ERLEC1: variants seen among roughly 807,000 people sequenced by gnomAD.
The protein encoded by ERLEC1 is endoplasmic reticulum lectin 1.
In ERLEC1, 47 loss-of-function variants were observed where a neutral mutation model predicts 68.0. That is an observed-to-expected ratio of 0.69 (90% CI 0.55 to 0.88). The LOEUF is 0.88. Ranked by LOEUF, ERLEC1 falls within the 40% of genes least tolerant of loss-of-function variation. ERLEC1 has a pLI of 0.00. For synonymous variants in ERLEC1, 225 were observed against 203.2 expected, an observed-to-expected ratio of 1.11 and a Z score of -0.91; for missense variants, 567 against 583.8, an observed-to-expected ratio of 0.97 and a Z score of 0.30.
chr2:53,805,107 C>T (rs1573089881), intron 8 of ERLEC1, among the ~76,000 whole-genome samples: 1 of 149,410 alleles, frequency 6.7e-6, no homozygotes, highest in Admixed American at 6.8e-5. Flanking sequence ...TGATTCTCCT[C>T]CAACTCCTGG....
At chr2:53,816,918 A>G (rs916469021) in intron 13 of ERLEC1, among the ~76,000 whole-genome samples, 3 of 152,176 alleles carry the variant, frequency 2.0e-5, no homozygotes, top group East Asian at 1.9e-4. Context: ...TGATACTCCA[A>G]TAAGACATGT....
At chr2:53,814,689 A>C in intron 12 of ERLEC1, 69 bp downstream of exon 12, 1 of 1,152,470 alleles carries the variant, frequency 8.7e-7, no homozygotes, top group Non-Finnish European at 1.3e-6. Flanking sequence ...CAAAAGTTTT[A>C]TGTAAACAGT....
At chr2:53,806,779 A>G (rs1354959805) in intron 8 of ERLEC1, among the ~76,000 whole-genome samples, 1 of 152,204 alleles carries the variant, frequency 6.6e-6, no homozygotes. Flanking sequence ...TTGGAAACCC[A>G]TATACTGTCT....
At chr2:53,810,058 C>G (rs890845203) in intron 10 of ERLEC1, among the ~76,000 whole-genome samples, 1 of 151,870 alleles carries the variant, frequency 6.6e-6, no homozygotes, top group East Asian at 1.9e-4. Flanking sequence ...CTCAAAAAAG[C>G]GAGACTCCTC....
In ERLEC1 at chr2:53,797,890, G is replaced by A; in HGVS notation, c.490+95G>A. 2.6e-6 allele frequency: 3 copies of A among 1,165,602 alleles called. No individual in the cohort carries two copies. The Admixed American group carries it at 5.7e-5, about 22-fold the overall frequency. 72.2% of individuals were successfully genotyped at this position (1,165,602 alleles called of 1,614,324 possible). A position where few individuals can be genotyped will look rare whatever the true frequency, so the allele number is the denominator to read the frequency against. On this transcript the variant is annotated intron_variant, in intron 5 of 13. Transcript: ENST00000185150. ...TTACGAGATTTTTTTTTTGGACATTGTGTGAATTTTAAAATACTGAAATAG... is the reference window on the plus strand; with the variant it reads ...TTACGAGATTTTTTTTTTGGACATTATGTGAATTTTAAAATACTGAAATAG...
intron 1 of ERLEC1, among the ~76,000 whole-genome samples, chr2:53,788,166 T>C (rs1269474400): frequency 2.6e-5 from 4 of 152,234 alleles, no homozygotes; most frequent in Admixed American, 6.5e-5. Context: ...ACTCATTTAC[T>C]TCAAATTGAA....
At chr2:53,789,599 A>G (rs554146547) in intron 1 of ERLEC1, among the ~76,000 whole-genome samples, 1 of 152,060 alleles carries the variant, frequency 6.6e-6, no homozygotes, top group Non-Finnish European at 1.5e-5. Context: ...AGAAAAATCT[A>G]GAGTGTTCTG....
intron 8 of ERLEC1, among the ~76,000 whole-genome samples, chr2:53,805,210 A>G (rs1676222388): frequency 6.8e-6 from 1 of 147,742 alleles, no homozygotes; most frequent in Non-Finnish European, 1.5e-5. Flanking sequence ...TTTAGTAGAG[A>G]TGGGGTTTCA....
intron 11 of ERLEC1, among the ~76,000 whole-genome samples, chr2:53,813,565 A>G (rs1479286236): frequency 2.6e-5 from 4 of 152,212 alleles, no homozygotes; most frequent in African/African-American, 4.8e-5. Flanking sequence ...TTTAGGATAT[A>G]TGAGTATACC....
Position 53,787,202 on chromosome 2 carries a change from C to CGGCGGAG in ERLEC1, c.-7_-1dup, listed in dbSNP as rs1372583299. ...TTGTGGCGGTGGCTGGAGAAAGCGG[C>CGGCGGAG]GGCGGAGGATGGAGGAAGGAGGCGG... On this transcript the variant is annotated 5_prime_UTR_variant, in exon 1 of 14. Transcript: ENST00000185150. 1 of 1,590,910 alleles carries CGGCGGAG rather than the reference C, an allele frequency of 6.3e-7. No individual in the cohort carries two copies. The highest frequency in any genetic ancestry group is 8.5e-7 in the Non-Finnish European group (1 of 1,171,712).
At chr2:53,816,113 G>A (rs1015204097) in intron 13 of ERLEC1, among the ~76,000 whole-genome samples, 4 of 151,944 alleles carry the variant, frequency 2.6e-5, no homozygotes, top group East Asian at 3.9e-4. Context: ...TATAGGCATC[G>A]GCCACTACAC....
chr2:53,816,600 GA>G (rs2104346894), intron 13 of ERLEC1, among the ~76,000 whole-genome samples: 1 of 152,070 alleles, frequency 6.6e-6, no homozygotes, highest in East Asian at 1.9e-4. Context: ...TTTGGTGAAT[GA>G]AAAATTTTTA....
At chr2:53,792,685 A>AT (rs1675474080) in intron 1 of ERLEC1, among the ~76,000 whole-genome samples, 1 of 152,048 alleles carries the variant, frequency 6.6e-6, no homozygotes, top group African/African-American at 2.4e-5. Flanking sequence ...TGTGTTTAGG[A>AT]TTACAGTGGT....
At chr2:53,793,773 AT>A (rs1303490484) in intron 1 of ERLEC1, among the ~76,000 whole-genome samples, 1 of 151,988 alleles carries the variant, frequency 6.6e-6, no homozygotes, top group Non-Finnish European at 1.5e-5. Flanking sequence ...TCCAAACATT[AT>A]TTTGTTCATT....
intron 2 of ERLEC1, 29 bp downstream of exon 2, chr2:53,794,478 C>A: frequency 3.0e-6 from 3 of 1,007,044 alleles, no homozygotes; most frequent in Non-Finnish European, 4.6e-6. Context: ...ATTGATAATC[C>A]TGTCACCAAA....
chr2:53,787,398 C>G, intron 1 of ERLEC1, 26 bp downstream of exon 1: 8 of 1,592,102 alleles, frequency 5.0e-6, no homozygotes, highest in Non-Finnish European at 6.8e-6. Context: ...AACCCCGCAG[C>G]CACCCCTCCT....
chr2:53,794,532 T>C (rs538466924), intron 2 of ERLEC1, 83 bp downstream of exon 2: 1 of 641,062 alleles, frequency 1.6e-6, no homozygotes, highest in South Asian at 2.1e-5. Context: ...TGAAGTAAAA[T>C]TGAATAACAG....
At chr2:53,795,426 C>T (rs2104287772) in intron 2 of ERLEC1, among the ~76,000 whole-genome samples, 1 of 152,250 alleles carries the variant, frequency 6.6e-6, no homozygotes, top group South Asian at 2.1e-4. Context: ...TCAAAGACCA[C>T]TGTTTTAAGT....
At chr2:53,815,807 G>A (rs1434371718) in intron 13 of ERLEC1, among the ~76,000 whole-genome samples, 1 of 152,058 alleles carries the variant, frequency 6.6e-6, no homozygotes, top group Admixed American at 6.6e-5. Context: ...TACATCCATA[G>A]AATATGTAGT....
Sources: allele counts gnomAD v4.1 joint callset (sites outside exome capture counted in the v4.1 genomes callset), GRCh38; gene constraint gnomAD v4.1.1; transcripts MANE v1.5; gene names NCBI Gene and HGNC (gene_info 2026-07-23, HGNC 2026-07-21).